MEP1A: variants seen among roughly 807,000 people sequenced by gnomAD.
The protein encoded by MEP1A is meprin A subunit alpha, also known as N-benzoyl-L-tyrosyl-P-amino-benzoic acid hydrolase subunit alpha.
A neutral mutation model predicts 84.5 loss-of-function variants in MEP1A; 68 were observed. The ratio of observed to expected loss-of-function variants is 0.80; its 90% confidence interval spans 0.66 to 0.98. MEP1A has a LOEUF of 0.98. Ranked by LOEUF, MEP1A falls within the 50% of genes least tolerant of loss-of-function variation. The probability of loss-of-function intolerance (pLI) is 0.00; values close to 1 mark genes in which losing one functional copy is unlikely to be tolerated. For synonymous variants in MEP1A, 337 were observed against 336.8 expected, an observed-to-expected ratio of 1.00 and a Z score of -0.01; for missense variants, 887 against 919.9, an observed-to-expected ratio of 0.96 and a Z score of 0.46.
intron 5 of MEP1A, among the ~76,000 whole-genome samples, chr6:46,800,722 A>G (rs1767181694): frequency 6.6e-6 from 1 of 152,206 alleles, no homozygotes; most frequent in African/African-American, 2.4e-5. Context: ...TACACAAATC[A>G]GTATATAAGG....
chr6:46,796,663 G>T (rs1395529339), intron 3 of MEP1A, among the ~76,000 whole-genome samples: 1 of 152,154 alleles, frequency 6.6e-6, no homozygotes, highest in Non-Finnish European at 1.5e-5. Context: ...GAACAAATTG[G>T]GTAATGAATA....
chr6:46,798,778 C>T lies in MEP1A; in HGVS notation c.186+132C>T, dbSNP rs989553194. On this transcript the variant is annotated intron_variant, in intron 4 of 13. Transcript: ENST00000230588. Reference sequence around the variant, plus strand: ...AGAGAAATCTCATCTATAATCTGTTCCAGTGAGGAGTTCCACTGTAGTTCC... The same window carrying T: ...AGAGAAATCTCATCTATAATCTGTTTCAGTGAGGAGTTCCACTGTAGTTCC... The T allele has an allele frequency of 4.6e-5, 35 of 763,184 alleles. No individual in the cohort carries two copies. The East Asian group carries it at 8.4e-4, about 18-fold the overall frequency. 47.3% of individuals were successfully genotyped at this position (763,184 alleles called of 1,614,324 possible). A position where few individuals can be genotyped will look rare whatever the true frequency, so the allele number is the denominator to read the frequency against.
intron 4 of MEP1A, 129 bp downstream of exon 4, chr6:46,798,775 G>T: frequency 1.3e-6 from 1 of 779,778 alleles, no homozygotes; most frequent in Non-Finnish European, 2.2e-6. Context: ...TCTATAATCT[G>T]TTCCAGTGAG....
rs375821425 is a variant in MEP1A, at chr6:46,800,958, T to A, written c.262+1777T>A. On this transcript the variant is annotated intron_variant, in intron 5 of 13. Transcript: ENST00000230588. ...TCTGGCTTCTTTGACTTATGTTTTT[T>A]AAGTTCTTCCATATTGTTGTAGATC... Among the ~76,000 whole-genome samples, 28 of 152,318 alleles carry A rather than the reference T, an allele frequency of 1.8e-4. No individual in the cohort carries two copies. In the South Asian group the frequency reaches 3.9e-3, roughly 21 times the overall value.
rs778157247 is a variant in MEP1A at position 46,799,174 on chromosome 6, T to C, written c.255T>C (p.Asp85=). 6.2e-7 allele frequency: 1 copy of C among 1,600,904 alleles called. No individual in the cohort carries two copies. The highest frequency in any genetic ancestry group is 1.1e-5 in the South Asian group (1 of 90,846). The change falls in exon 5 of 14, where the codon GAT becomes GAC. Residue 85 remains aspartate (D), a synonymous_variant. Transcript: ENST00000230588. The part of the protein sequence containing the change: ...WTFPIPYILA[D]NLGLNAKGAI... ...TCCCCATTCCTTACATCTTGGCTGA[T>C]AATTTGGGTAATATTAATTGTTCTT...
intron 9 of MEP1A, among the ~76,000 whole-genome samples, chr6:46,826,782 T>A (rs977468108): frequency 3.9e-5 from 6 of 152,182 alleles, no homozygotes; most frequent in Non-Finnish European, 8.8e-5. Flanking sequence ...AACCACACCC[T>A]CCTACAGAAA....
chr6:46,824,921 G>T (rs12204818), intron 7 of MEP1A, among the ~76,000 whole-genome samples: 4 of 112,826 alleles, frequency 3.5e-5, no homozygotes, highest in Admixed American at 9.6e-5. Context: ...TATTTAAATA[G>T]ATCTATTTAA....
chr6:46,835,445 C>G lies in MEP1A; in HGVS notation c.1980C>G (p.Pro660=). ...AGCGGTCGGTGGAGAACACAGGCCC[C>G]CTGGAGGACCATAACTGGCCACAGT... ...RQKRSVENTG[P]LEDHNWPQYF... The change falls in exon 13 of 14, where the codon CCC becomes CCG. Residue 660 remains proline (P), a synonymous_variant. Coordinates refer to ENST00000230588, the MANE Select transcript of MEP1A (RefSeq NM_005588.3). The G allele has an allele frequency of 6.2e-7, 1 of 1,612,476 alleles. No individual in the cohort carries two copies. Among genetic ancestry groups the G allele is most frequent in the South Asian group, 1.1e-5 (1 of 90,778 alleles).
chr6:46,819,631 G>C lies in MEP1A; in HGVS notation c.483G>C (p.Leu161Phe), dbSNP rs1484583549. Residue 161 changes from leucine (L) to phenylalanine (F), a missense_variant, in exon 7 of 14, where the codon TTG becomes TTC. Transcript: ENST00000230588. ...AIIEHEILHA[L>F]GFYHEQSRTD... is the part of the protein sequence containing the mutation. Reference sequence around the variant, plus strand: ...TAGAACACGAGATCCTGCATGCTTTGGGATTTTACCACGAGCAGTCAAGGA... The same window carrying C: ...TAGAACACGAGATCCTGCATGCTTTCGGATTTTACCACGAGCAGTCAAGGA... 1 of 1,614,094 alleles carries C rather than the reference G, an allele frequency of 6.2e-7. No homozygotes were observed. Among genetic ancestry groups the C allele is most frequent in the Admixed American group, 1.7e-5 (1 of 60,010 alleles).
chr6:46,798,747 G>A, intron 4 of MEP1A, 101 bp downstream of exon 4: 1 of 966,410 alleles, frequency 1.0e-6, no homozygotes, highest in Admixed American at 1.9e-5. Context: ...CACTGTGAAG[G>A]AGATGAGAGA....
In MEP1A at chr6:46,833,104, A is replaced by G. The variant is rs1562117296; in HGVS notation, c.1175A>G (p.His392Arg). ...GATGACCACAATTGGAAAATTGCCC[A>G]TGTGGTGCTCAAAGAGGAACAGAAG... The part of the protein sequence containing the change: ...GDDDHNWKIA[H>R]VVLKEEQKFR... Residue 392 changes from histidine to arginine, a missense_variant, in exon 11 of 14, where the codon CAT becomes CGT. Physicochemically the swap from His to Arg is conservative, Grantham distance 29. Coordinates refer to ENST00000230588, the MANE Select transcript of MEP1A (RefSeq NM_005588.3). The G allele has an allele frequency of 1.3e-6, 2 of 1,533,098 alleles. 1 individual carries two copies. The highest frequency in any genetic ancestry group is 4.9e-4 in the Middle Eastern group (2 of 4,094). 95.0% of individuals were successfully genotyped at this position (1,533,098 alleles called of 1,614,324 possible). A position where few individuals can be genotyped will look rare whatever the true frequency, so the allele number is the denominator to read the frequency against.
chr6:46,793,870 A>G (rs898306471), intron 3 of MEP1A, among the ~76,000 whole-genome samples, 154 bp downstream of exon 3: 4 of 152,232 alleles, frequency 2.6e-5, no homozygotes, highest in African/African-American at 9.6e-5. Context: ...CTGAAAGATA[A>G]AAATGCGGAA....
intron 5 of MEP1A, among the ~76,000 whole-genome samples, chr6:46,801,819 T>G (rs1044526857): frequency 6.6e-6 from 1 of 152,060 alleles, no homozygotes; most frequent in Non-Finnish European, 1.5e-5. Flanking sequence ...TTGGTATTTA[T>G]TAGCCCAGTT....
At chr6:46,821,825 A>G (rs985908123) in intron 7 of MEP1A, among the ~76,000 whole-genome samples, 1 of 152,184 alleles carries the variant, frequency 6.6e-6, no homozygotes, top group African/African-American at 2.4e-5. Flanking sequence ...CTGTGTTTTC[A>G]TCAGGTACAA....
At position 46,838,983 on chromosome 6, in the gene MEP1A, C is replaced by T. The variant is rs746132009; in HGVS notation, c.2088C>T (p.Cys696=). The change falls in exon 14 of 14, where the codon TGC becomes TGT. Residue 696 remains cysteine (C), a synonymous_variant. Transcript: ENST00000230588. ...CCTTCATGTCCTTTTCCCTCAGGTG[C>T]ATCTCTGGACATGCTTTCTTCTACA... ...VNVKGMASCR[C]ISGHAFFYTG... 6.2e-7 allele frequency: 1 copy of T among 1,610,692 alleles called. No individual in the cohort carries two copies.
At chr6:46,805,540 A>G (rs1467418101) in intron 5 of MEP1A, among the ~76,000 whole-genome samples, 1 of 151,672 alleles carries the variant, frequency 6.6e-6, no homozygotes, top group Non-Finnish European at 1.5e-5. Context: ...TATATTTTGG[A>G]TATGTCTTTT....
chr6:46,809,396 T>A lies in MEP1A; in HGVS notation c.263-24T>A, dbSNP rs184095753. ...TATCTAAGGTCCAAATAATGCTCATTGATATTTTTACTGATTTCTGCAGGG... is the reference window on the plus strand; with the variant it reads ...TATCTAAGGTCCAAATAATGCTCATAGATATTTTTACTGATTTCTGCAGGG... On this transcript the variant is annotated intron_variant, in intron 5 of 13. Coordinates refer to ENST00000230588, the MANE Select transcript of MEP1A (RefSeq NM_005588.3). 115 of 1,430,256 alleles carry A rather than the reference T, an allele frequency of 8.0e-5. No homozygotes were observed. The African/African-American group carries it at 1.4e-3, about 17-fold the overall frequency. The allele number at this position is 1,430,256 out of a possible 1,614,324, so 88.6% of individuals were successfully genotyped here.
At chr6:46,841,488 G>A (rs1484179552), downstream of MEP1A, among the ~76,000 whole-genome samples, 1 of 152,170 alleles carries the variant, frequency 6.6e-6, no homozygotes, top group African/African-American at 2.4e-5. Context: ...GGGCATGTAG[G>A]GTGGGGAGTA....
At chr6:46,830,447 A>C (rs1180775446) in intron 10 of MEP1A, among the ~76,000 whole-genome samples, 1 of 152,152 alleles carries the variant, frequency 6.6e-6, no homozygotes, top group African/African-American at 2.4e-5. Flanking sequence ...TTGTATATTT[A>C]TATAAGAAGG....
Sources: gnomAD v4.1 joint callset for allele counts (sites outside exome capture counted in the v4.1 genomes callset) on GRCh38, gnomAD v4.1.1 for gene constraint, MANE v1.5 for transcripts, NCBI Gene and HGNC (gene_info 2026-07-23, HGNC 2026-07-21) for gene names.